Variants in ROBO2 observed in about 807,000 individuals in gnomAD.
The protein encoded by ROBO2 is roundabout homolog 2.
ROBO2 carries 53 observed loss-of-function variants against 160.8 expected under a neutral mutation model. The ratio of observed to expected loss-of-function variants is 0.33; its 90% CI spans 0.26 to 0.41. The LOEUF (loss-of-function observed/expected upper bound fraction) is 0.41. Ranked by LOEUF, ROBO2 falls within the 10% of genes least tolerant of loss-of-function variation. The probability of loss-of-function intolerance (pLI) is 1.00; values close to 1 mark genes in which losing one functional copy is unlikely to be tolerated. For missense variants in ROBO2, 1,577 were observed against 1,722.4 expected (o/e 0.92, Z 1.49); for synonymous variants, 664 against 611.7 (o/e 1.09, Z -1.26).
At chr3:77,582,308 C>A (rs2093939713) in intron 16 of ROBO2, among the ~76,000 whole-genome samples, 1 of 152,154 alleles carries the variant, frequency 6.6e-6, no homozygotes, top group South Asian at 2.1e-4. Flanking sequence ...ACCATGTTGG[C>A]CAGGCTGCTC....
intron 2 of ROBO2, among the ~76,000 whole-genome samples, chr3:76,967,766 C>T (rs928504219): frequency 6.6e-6 from 1 of 151,402 alleles, no homozygotes; most frequent in Admixed American, 6.6e-5. Flanking sequence ...GCTGGTCTTG[C>T]ACTCCTGGCC....
intron 13 of ROBO2, among the ~76,000 whole-genome samples, chr3:77,572,207 CT>C (rs1382346441): frequency 1.3e-5 from 2 of 151,960 alleles, no homozygotes; most frequent in Non-Finnish European, 2.9e-5. Flanking sequence ...TGAGTTATGT[CT>C]TTCTTTCAGT....
chr3:77,018,965 C>T (rs868723846), intron 2 of ROBO2, among the ~76,000 whole-genome samples: 3 of 152,152 alleles, frequency 2.0e-5, no homozygotes, highest in African/African-American at 7.2e-5. Flanking sequence ...CATGAAAAAA[C>T]AGCCCTCCCT....
intron 1 of ROBO2, among the ~76,000 whole-genome samples, chr3:77,064,360 A>ATT (rs1553753214): frequency 1.7e-5 from 1 of 59,650 alleles, no homozygotes; most frequent in Non-Finnish European, 3.5e-5. Context: ...ACTTGGATGT[A>ATT]TCTTTTTTTT....
intron 2 of ROBO2, among the ~76,000 whole-genome samples, chr3:77,270,407 C>G (rs776708645): frequency 6.6e-6 from 1 of 152,134 alleles, no homozygotes; most frequent in Non-Finnish European, 1.5e-5. Context: ...ATATAACTAT[C>G]TGGTATTACA....
At chr3:75,970,044 C>T (rs2064949687) in intron 2 of ROBO2, among the ~76,000 whole-genome samples, 1 of 151,434 alleles carries the variant, frequency 6.6e-6, no homozygotes, top group South Asian at 2.1e-4. Context: ...TTTAATCCAC[C>T]TTGAGTTGGT....
chr3:76,676,395 CT>C (rs112362533), intron 2 of ROBO2, among the ~76,000 whole-genome samples: 4,893 of 152,184 alleles, frequency 0.032, 268 homozygotes, highest in African/African-American at 0.11. Flanking sequence ...CTCCCTAGCC[CT>C]GCAGAACTGT....
chr3:76,408,853 T>C (rs181658292), intron 2 of ROBO2, among the ~76,000 whole-genome samples: 9 of 152,176 alleles, frequency 5.9e-5, no homozygotes, highest in African/African-American at 1.9e-4. Context: ...GAGTAAAATT[T>C]TGCTAATTTG....
At chr3:76,756,376 G>A (rs1329872334) in intron 2 of ROBO2, among the ~76,000 whole-genome samples, 11 of 151,736 alleles carry the variant, frequency 7.2e-5, no homozygotes, top group Admixed American at 7.2e-4. Context: ...TTTTTGAATT[G>A]GGAATTTAAA....
intron 2 of ROBO2, among the ~76,000 whole-genome samples, chr3:77,279,847 T>C (rs2060129472): frequency 6.6e-6 from 1 of 152,158 alleles, no homozygotes; most frequent in Admixed American, 6.5e-5. Context: ...TATGTTCAAT[T>C]GTGCTGTTAG....
At chr3:76,972,627 G>A (rs572671881) in intron 2 of ROBO2, among the ~76,000 whole-genome samples, 1 of 152,142 alleles carries the variant, frequency 6.6e-6, no homozygotes, top group Non-Finnish European at 1.5e-5. Context: ...GGAAGCCGAG[G>A]TGGAGGACTG....
intron 21 of ROBO2, among the ~76,000 whole-genome samples, chr3:77,615,783 C>T (rs537815110): frequency 6.6e-6 from 1 of 152,208 alleles, no homozygotes; most frequent in Admixed American, 6.5e-5. Flanking sequence ...GTATGAATAA[C>T]ACCAATAAAA....
At chr3:76,213,011 T>C (rs924601752) in intron 2 of ROBO2, among the ~76,000 whole-genome samples, 6 of 152,148 alleles carry the variant, frequency 3.9e-5, no homozygotes. Flanking sequence ...AAACACTATC[T>C]CTTTAGCCAC....
intron 2 of ROBO2, among the ~76,000 whole-genome samples, chr3:76,798,316 A>AAAGAAAG (rs1404329673): frequency 7.8e-4 from 75 of 96,206 alleles, no homozygotes; most frequent in Admixed American, 4.3e-3. Context: ...AAGAAAGAAA[A>AAAGAAAG]AAGAACGAAT....
chr3:75,945,494 A>ATCTTCTACT (rs1948248432), intron 2 of ROBO2, among the ~76,000 whole-genome samples: 1 of 152,094 alleles, frequency 6.6e-6, no homozygotes, highest in Non-Finnish European at 1.5e-5. Context: ...GTGAGGTGGA[A>ATCTTCTACT]AGTTCGTAGG....
intron 2 of ROBO2, among the ~76,000 whole-genome samples, chr3:76,811,518 G>A (rs1033953205): frequency 2.0e-5 from 3 of 152,084 alleles, no homozygotes; most frequent in Admixed American, 1.3e-4. Flanking sequence ...TGTTTTAAAT[G>A]TTGTGGACTT....
chr3:77,483,878 T>C (rs2085005347), intron 4 of ROBO2, among the ~76,000 whole-genome samples: 1 of 151,460 alleles, frequency 6.6e-6, no homozygotes, highest in Admixed American at 6.6e-5. Context: ...TTTTCCAGTA[T>C]AATAGCTGTC....
At chr3:76,751,842 C>T (rs543769999) in intron 2 of ROBO2, among the ~76,000 whole-genome samples, 51 of 151,794 alleles carry the variant, frequency 3.4e-4, no homozygotes, top group African/African-American at 7.2e-4. Flanking sequence ...ACACTGTTGG[C>T]GGGACTGTAA....
chr3:76,296,846 T>C (rs894753513), intron 2 of ROBO2, among the ~76,000 whole-genome samples: 10 of 152,194 alleles, frequency 6.6e-5, no homozygotes, highest in African/African-American at 2.4e-4. Context: ...GGTAGCTTGA[T>C]GGAATCAGAG....
Sources: gnomAD v4.1 joint callset for allele counts (sites outside exome capture counted in the v4.1 genomes callset) on GRCh38, gnomAD v4.1.1 for gene constraint, MANE v1.5 for transcripts, NCBI Gene and HGNC (gene_info 2026-07-23, HGNC 2026-07-21) for gene names.